Variants in PTPRF observed in about 807,000 individuals in gnomAD.
The protein encoded by PTPRF is receptor-type tyrosine-protein phosphatase F.
Under a neutral mutation model 201.8 loss-of-function variants are expected in PTPRF, and 59 were observed. The ratio of observed to expected loss-of-function variants is 0.29; its 90% confidence interval spans 0.24 to 0.36. The LOEUF (loss-of-function observed/expected upper bound fraction) is 0.36, where lower values mean the gene tolerates loss of function less well. Among genes scored for constraint, PTPRF ranks in the 10% least tolerant of loss-of-function variants. The pLI, the probability that PTPRF is intolerant of heterozygous loss-of-function variation, is 1.00. For missense variants in PTPRF, 2,132 were observed against 2,690.5 expected (o/e 0.79, Z 4.59); for synonymous variants, 1,088 against 1,089.7 (o/e 1.00, Z 0.03).
chr1:43,544,964 T>C, intron 2 of PTPRF, 67 bp from the exon 3 acceptor site: 2 of 920,170 alleles, frequency 2.2e-6, no homozygotes, highest in Non-Finnish European at 1.6e-6. Flanking sequence ...TCAGAAAGCG[T>C]CAGGGGTGGG....
At position 43,623,298 on chromosome 1, in the gene PTPRF, A is replaced by G. The variant is rs1284796799; in HGVS notation, c.*1295A>G. 4 of 152,788 alleles carry G rather than the reference A, an allele frequency of 2.6e-5. No homozygotes were observed. The highest frequency in any genetic ancestry group is 4.4e-5 in the Non-Finnish European group (3 of 68,058). The allele number at this position is 152,788 out of a possible 1,614,324, so 9.5% of individuals were successfully genotyped here. ...AGATGCCCTCATAAACCAATGTGGC[A>G]AGACTACTGGACTTCTATCAATGGT... On this transcript the variant is annotated 3_prime_UTR_variant, in exon 34 of 34. Coordinates refer to ENST00000359947, the MANE Select transcript of PTPRF (RefSeq NM_002840.5).
In PTPRF at chr1:43,598,187, G is replaced by A. The variant is rs1044502827; in HGVS notation, c.2119+134G>A. 8.5e-6 allele frequency: 8 copies of A among 946,566 alleles called. No individual in the cohort carries two copies. The African/African-American group carries it at 1.2e-4, about 14-fold the overall frequency. The allele number at this position is 946,566 out of a possible 1,614,324, so 58.6% of individuals were successfully genotyped here. A position where few individuals can be genotyped will look rare whatever the true frequency, so the allele number is the denominator to read the frequency against. On this transcript the variant is annotated intron_variant, in intron 12 of 33. Coordinates refer to ENST00000359947, the MANE Select transcript of PTPRF (RefSeq NM_002840.5). The stretch of plus-strand genomic sequence containing the variant: ...TCTGGTTCAGGTGTAATGGCCTAAA[G>A]TGGGGGGATGTCACTTACGGGATAA...
chr1:43,597,906 G>A lies in PTPRF; in HGVS notation c.1972G>A (p.Val658Met), dbSNP rs1218826343. 4.4e-6 allele frequency: 7 copies of A among 1,603,294 alleles called. No individual in the cohort carries two copies. Among genetic ancestry groups the A allele is most frequent in the Middle Eastern group, 1.6e-4 (1 of 6,070 alleles). ...AVDGEDRGRH[V>M]VDGISREHSS... The stretch of plus-strand genomic sequence containing the variant: ...GGACGGCGAGGACCGCGGGCGGCAT[G>A]TGGTGGATGGCATCAGCCGTGAGCA... Residue 658 changes from valine (V) to methionine (M), a missense_variant, in exon 12 of 34, where the codon GTG (valine) becomes ATG (methionine). Val to Met is a conservative substitution (Grantham distance 21). Coordinates refer to ENST00000359947, the MANE Select transcript of PTPRF (RefSeq NM_002840.5).
At chr1:43,530,448 G>T (rs534207598), upstream of PTPRF, among the ~76,000 whole-genome samples, 1 of 152,176 alleles carries the variant, frequency 6.6e-6, no homozygotes, top group African/African-American at 2.4e-5. This position sits in a 1 kb window ranked among gnomAD's most constrained non-coding sequence, Gnocchi z 4.1. Flanking sequence ...GTCAGAATTG[G>T]TATTTGGGAT....
At chr1:43,573,928 C>G (rs952687859) in intron 6 of PTPRF, among the ~76,000 whole-genome samples, 6 of 142,762 alleles carry the variant, frequency 4.2e-5, no homozygotes, top group African/African-American at 1.6e-4. Context: ...CTCAGGACCT[C>G]TACTTGTAAA....
intron 7 of PTPRF, chr1:43,582,331 A>T (rs1024761834): frequency 1.3e-5 from 2 of 152,220 alleles, no homozygotes; most frequent in Admixed American, 1.3e-4. Context: ...TCATCCAGTT[A>T]CATCTGACTT....
At chr1:43,579,600 T>C in intron 7 of PTPRF, 1 of 276,182 alleles carries the variant, frequency 3.6e-6, no homozygotes, top group Non-Finnish European at 7.1e-6. Context: ...CTGGGGACTG[T>C]TTTGGGGTTT....
intron 19 of PTPRF, among the ~76,000 whole-genome samples, chr1:43,605,975 T>G (rs1655002655): frequency 6.6e-6 from 1 of 152,210 alleles, no homozygotes; most frequent in Non-Finnish European, 1.5e-5. Flanking sequence ...TTTGAAATCC[T>G]TCAGTCCTTT....
At chr1:43,533,050 T>TGAAG (rs1404646514) in intron 1 of PTPRF, among the ~76,000 whole-genome samples, 4 of 152,264 alleles carry the variant, frequency 2.6e-5, no homozygotes, top group African/African-American at 4.8e-5. Flanking sequence ...CACATTTTAC[T>TGAAG]TGCTCAGTCT....
At chr1:43,587,861 G>C (rs1649558988) in intron 7 of PTPRF, among the ~76,000 whole-genome samples, 1 of 152,220 alleles carries the variant, frequency 6.6e-6, no homozygotes, top group African/African-American at 2.4e-5. Flanking sequence ...CAACTTCGGG[G>C]GCGGGTGGTT....
intron 7 of PTPRF, among the ~76,000 whole-genome samples, chr1:43,582,061 G>C (rs1647807449): frequency 6.6e-6 from 1 of 152,166 alleles, no homozygotes; most frequent in South Asian, 2.1e-4. Flanking sequence ...CTTCACCTGT[G>C]TCCACTGGCC....
chr1:43,583,776 T>C (rs904013199), intron 7 of PTPRF, among the ~76,000 whole-genome samples: 1 of 152,088 alleles, frequency 6.6e-6, no homozygotes, highest in Non-Finnish European at 1.5e-5. Flanking sequence ...AGGTTGTCTT[T>C]TCCTTCTCCA....
At chr1:43,576,423 G>A (rs1646934350) in intron 6 of PTPRF, among the ~76,000 whole-genome samples, 1 of 152,236 alleles carries the variant, frequency 6.6e-6, no homozygotes, top group Non-Finnish European at 1.5e-5. Context: ...GCCTGGCAAG[G>A]ATTAGGAGGA....
At chr1:43,549,967 G>A (rs1260809740) in intron 3 of PTPRF, among the ~76,000 whole-genome samples, 1 of 152,184 alleles carries the variant, frequency 6.6e-6, no homozygotes, top group Non-Finnish European at 1.5e-5. Flanking sequence ...GCTGAGGAGA[G>A]GTGCGGTTAG....
At position 43,530,906 on chromosome 1, in the gene PTPRF, A is replaced by AGGCGGCGGCTCCAGCTTC. The variant is rs1224135972; in HGVS notation, c.-306_-289dup. The AGGCGGCGGCTCCAGCTTC allele has an allele frequency of 2.6e-5, 4 of 153,446 alleles. No homozygotes were observed. Among genetic ancestry groups the AGGCGGCGGCTCCAGCTTC allele is most frequent in the African/African-American group, 9.7e-5 (4 of 41,060 alleles). The allele number at this position is 153,446 out of a possible 1,614,324, so 9.5% of individuals were successfully genotyped here. A position where few individuals can be genotyped will look rare whatever the true frequency, so the allele number is the denominator to read the frequency against. On this transcript the variant is annotated 5_prime_UTR_variant, in exon 1 of 34. Transcript: ENST00000359947. This position sits in a 1 kb window ranked among gnomAD's most constrained non-coding sequence, Gnocchi z 4.1. Reference sequence around the variant, plus strand: ...GCGGCGGGAGCGGTGGCGGCGGCAGAGGCGGCGGCTCCAGCTTCGGCTCCG... The same window carrying AGGCGGCGGCTCCAGCTTC: ...GCGGCGGGAGCGGTGGCGGCGGCAGAGGCGGCGGCTCCAGCTTCGGCGGCGGCTCCAGCTTCGGCTCCG...
rs187513071 is a variant in PTPRF at position 43,612,606 on chromosome 1, G to T, written c.3974-1012G>T. On this transcript the variant is annotated intron_variant, in intron 22 of 33. Transcript: ENST00000359947. ...GGAGCCTTGACGGAACTTGTCCGCA[G>T]CCCCAGCCCCTCACCGCCCCCTCCT... 4.3e-3 allele frequency among the ~76,000 whole-genome samples: 655 copies of T among 152,236 alleles called. 4 individuals carry two copies. The highest frequency in any genetic ancestry group is 6.8e-3 in the Admixed American group (104 of 15,302).
At chr1:43,570,244 C>T (rs1180204671) in intron 6 of PTPRF, among the ~76,000 whole-genome samples, 4 of 152,214 alleles carry the variant, frequency 2.6e-5, no homozygotes, top group Admixed American at 2.6e-4. Context: ...TGCTGTTGTC[C>T]CTCGACCACC....
At chr1:43,569,480 G>A in intron 5 of PTPRF, 110 bp from the exon 6 acceptor site, 1 of 1,055,228 alleles carries the variant, frequency 9.5e-7, no homozygotes, top group Non-Finnish European at 1.4e-6. Flanking sequence ...GGAAAGGGGA[G>A]GGGAGTCTTG....
chr1:43,592,369 A>G, intron 10 of PTPRF, 88 bp from the exon 11 acceptor site: 1 of 1,490,560 alleles, frequency 6.7e-7, no homozygotes, highest in South Asian at 1.3e-5. Context: ...GTGGGTCCAG[A>G]GGTGTCACAT....
Sources: allele counts gnomAD v4.1 joint callset (sites outside exome capture counted in the v4.1 genomes callset), GRCh38; gene constraint gnomAD v4.1.1; non-coding constraint Gnocchi (gnomAD v3.1); transcripts MANE v1.5; gene names NCBI Gene and HGNC (gene_info 2026-07-23, HGNC 2026-07-21).